The following MACROD2 variants were observed in gnomAD, a reference collection of about 807,000 sequenced individuals.
MACROD2 encodes the protein mono-ADP ribosylhydrolase 2.
Under a neutral mutation model 70.4 loss-of-function variants are expected in MACROD2, and 36 were observed. The observed-to-expected ratio is 0.51, with a 90% CI of 0.39 to 0.68. The LOEUF is 0.68. Ranked by LOEUF, MACROD2 falls within the 30% of genes least tolerant of loss-of-function variation. MACROD2 has a pLI of 0.00. For synonymous variants in MACROD2, 172 were observed against 178.8 expected, an observed-to-expected ratio of 0.96 and a Z score of 0.30; for missense variants, 496 against 538.4, an observed-to-expected ratio of 0.92 and a Z score of 0.78.
At chr20:15,192,533 A>G (rs1029691303) in intron 5 of MACROD2, among the ~76,000 whole-genome samples, 5 of 152,158 alleles carry the variant, frequency 3.3e-5, no homozygotes, top group African/African-American at 1.2e-4. Context: ...CTGCCACCTC[A>G]TATGTCCACA....
chr20:15,916,957 CCACATGT>C (rs201796513), intron 10 of MACROD2, among the ~76,000 whole-genome samples: 2,443 of 152,326 alleles, frequency 0.016, 57 homozygotes, highest in African/African-American at 0.055. Context: ...GCTTTGTGGG[CCACATGT>C]GGCCTCTGCC....
chr20:15,231,214 AT>A (rs748990890), intron 6 of MACROD2, among the ~76,000 whole-genome samples: 3 of 151,980 alleles, frequency 2.0e-5, no homozygotes, highest in Non-Finnish European at 4.4e-5. Context: ...AGAGCTGGAT[AT>A]TTTATTTCTC....
intron 5 of MACROD2, among the ~76,000 whole-genome samples, chr20:15,096,344 C>T (rs78926174): frequency 0.032 from 4,880 of 151,876 alleles, 136 homozygotes; most frequent in South Asian, 0.11. Context: ...GGCTTTGGTG[C>T]AAGCAGTTCG....
intron 15 of MACROD2, among the ~76,000 whole-genome samples, chr20:16,000,044 G>A (rs150996321): frequency 3.3e-3 from 502 of 152,178 alleles, no homozygotes; most frequent in African/African-American, 0.01. Flanking sequence ...TACAGTTATC[G>A]CACTCTGTCA....
chr20:14,230,418 C>CT (rs2081791863), intron 3 of MACROD2, among the ~76,000 whole-genome samples: 1 of 151,826 alleles, frequency 6.6e-6, no homozygotes, highest in Non-Finnish European at 1.5e-5. Context: ...CAAGAAACCA[C>CT]TTTCTTTGCT....
intron 12 of MACROD2, among the ~76,000 whole-genome samples, chr20:15,944,644 T>A (rs1247792930): frequency 2.0e-5 from 3 of 152,194 alleles, no homozygotes; most frequent in African/African-American, 7.2e-5. Context: ...TGTAAAATGA[T>A]CATGATCATT....
intron 4 of MACROD2, among the ~76,000 whole-genome samples, chr20:14,586,726 C>T (rs1016904159): frequency 6.6e-6 from 1 of 152,020 alleles, no homozygotes; most frequent in African/African-American, 2.4e-5. Flanking sequence ...TCCATTTAGT[C>T]TCCCAAAGTT....
intron 6 of MACROD2, among the ~76,000 whole-genome samples, chr20:15,370,877 A>G (rs1447700429): frequency 1.3e-5 from 2 of 152,108 alleles, no homozygotes; most frequent in Non-Finnish European, 2.9e-5. Context: ...AATGTAATTT[A>G]TTATAATTTT....
chr20:15,044,952 A>G (rs1352229627), intron 5 of MACROD2, among the ~76,000 whole-genome samples: 2 of 152,172 alleles, frequency 1.3e-5, no homozygotes, highest in African/African-American at 4.8e-5. Context: ...CAATGTTAAA[A>G]TGCAGCATCT....
At chr20:15,981,493 G>T (rs897798063) in intron 13 of MACROD2, among the ~76,000 whole-genome samples, 2 of 151,990 alleles carry the variant, frequency 1.3e-5, no homozygotes, top group African/African-American at 4.8e-5. Context: ...TCAGGAACTG[G>T]GTCTGTAGGC....
At chr20:15,575,030 T>C (rs1469405275) in intron 8 of MACROD2, among the ~76,000 whole-genome samples, 2 of 152,208 alleles carry the variant, frequency 1.3e-5, no homozygotes, top group Non-Finnish European at 2.9e-5. Flanking sequence ...TCCATAGATA[T>C]AAGCTCAAAG....
At chr20:15,083,230 C>T (rs1477489868) in intron 5 of MACROD2, among the ~76,000 whole-genome samples, 7 of 152,146 alleles carry the variant, frequency 4.6e-5, no homozygotes, top group East Asian at 1.9e-4. Flanking sequence ...CATCTACCTT[C>T]CCAGCTTTGT....
At chr20:15,102,808 T>G (rs949657587) in intron 5 of MACROD2, among the ~76,000 whole-genome samples, 1 of 151,854 alleles carries the variant, frequency 6.6e-6, no homozygotes, top group African/African-American at 2.4e-5. Context: ...GGAGAAAGGA[T>G]GAGAAAGGCA....
At chr20:15,950,153 T>C (rs906348681) in intron 12 of MACROD2, among the ~76,000 whole-genome samples, 1 of 152,224 alleles carries the variant, frequency 6.6e-6, no homozygotes, top group Non-Finnish European at 1.5e-5. Context: ...TCTATTTTTC[T>C]ATAAAATATC....
At chr20:15,642,597 AACACAC>A (rs56698663) in intron 8 of MACROD2, among the ~76,000 whole-genome samples, 73,097 of 146,764 alleles carry the variant, frequency 0.5, 20,030 homozygotes, top group Non-Finnish European at 0.63. Context: ...ACCTGTCATG[AACACAC>A]ACACACACAC....
intron 3 of MACROD2, among the ~76,000 whole-genome samples, chr20:14,393,935 A>G (rs550131393): frequency 6.6e-6 from 1 of 152,276 alleles, no homozygotes; most frequent in East Asian, 1.9e-4. Flanking sequence ...CCATATGAGG[A>G]CACAGAGAAA....
intron 8 of MACROD2, among the ~76,000 whole-genome samples, chr20:15,686,395 G>A (rs767224209): frequency 1.3e-5 from 2 of 152,014 alleles, no homozygotes; most frequent in East Asian, 1.9e-4. Context: ...GAAAACAGGG[G>A]CTACTTGGGG....
At chr20:14,195,736 G>C (rs2081425249) in intron 3 of MACROD2, among the ~76,000 whole-genome samples, 1 of 152,144 alleles carries the variant, frequency 6.6e-6, no homozygotes, top group African/African-American at 2.4e-5. Context: ...AGTTTGGCTG[G>C]GGCAGTTGAG....
intron 5 of MACROD2, among the ~76,000 whole-genome samples, chr20:15,147,518 A>C (rs1397440545): frequency 9.1e-6 from 1 of 110,050 alleles, no homozygotes; most frequent in East Asian, 2.8e-4. Flanking sequence ...TTCCTCTTTG[A>C]TTCTTTCTAG....
Sources: allele counts gnomAD v4.1 joint callset (sites outside exome capture counted in the v4.1 genomes callset), GRCh38; gene constraint gnomAD v4.1.1; transcripts MANE v1.5; gene names NCBI Gene and HGNC (gene_info 2026-07-23, HGNC 2026-07-21).